Variants in CEP192 observed in about 807,000 individuals in gnomAD.
CEP192 encodes centrosomal protein of 192 kDa.
A neutral mutation model predicts 271.8 loss-of-function variants in CEP192; 151 were observed. The observed-to-expected ratio is 0.56, with a 90% CI of 0.49 to 0.64. The LOEUF is 0.64. CEP192 is among the 30% of genes least tolerant of loss of function. CEP192 has a pLI of 0.00. For synonymous variants in CEP192, 995 were observed against 1,076.5 expected (o/e 0.92, Z 1.48); for missense variants, 2,910 against 3,020.5 (o/e 0.96, Z 0.86).
intron 11 of CEP192, among the ~76,000 whole-genome samples, chr18:13,031,237 A>C (rs992419485): frequency 3.2e-5 from 4 of 123,168 alleles, no homozygotes; most frequent in Non-Finnish European, 6.7e-5. Context: ...GCCTGGCCTT[A>C]TTGTTGTTTT....
At chr18:13,044,398 C>T (rs969510648) in intron 15 of CEP192, among the ~76,000 whole-genome samples, 24 of 151,616 alleles carry the variant, frequency 1.6e-4, no homozygotes, top group African/African-American at 5.8e-4. Flanking sequence ...TTTCATCTTT[C>T]AATTTGATGC....
Position 13,013,045 on chromosome 18 carries a change from G to T in CEP192, c.519+20G>T. On this transcript the variant is annotated intron_variant, in intron 5 of 44. Transcript: ENST00000506447. ...CCCAAGGTAACCTTTTATATATTTG[G>T]TATCATTTTCTGGAGTACTATAGGG... is the stretch of plus-strand genomic sequence containing the variant. 1 of 1,314,362 alleles carries T rather than the reference G, an allele frequency of 7.6e-7. No homozygotes were observed. Among genetic ancestry groups the T allele is most frequent in the Non-Finnish European group, 1.1e-6 (1 of 938,120 alleles). 81.4% of individuals were successfully genotyped at this position (1,314,362 alleles called of 1,614,324 possible). A position where few individuals can be genotyped will look rare whatever the true frequency, so the allele number is the denominator to read the frequency against.
At chr18:13,118,102 T>C (rs1294348962) in intron 44 of CEP192, among the ~76,000 whole-genome samples, 2 of 152,216 alleles carry the variant, frequency 1.3e-5, no homozygotes, top group African/African-American at 4.8e-5. Context: ...CTCCTTACTG[T>C]TCTTAATCAG....
intron 9 of CEP192, among the ~76,000 whole-genome samples, chr18:13,019,893 A>G (rs532221657): frequency 6.6e-6 from 1 of 151,976 alleles, no homozygotes; most frequent in Admixed American, 6.6e-5. Flanking sequence ...GCTCACTGCA[A>G]CTTCTGCCTC....
intron 17 of CEP192, among the ~76,000 whole-genome samples, chr18:13,050,832 G>A (rs559410904): frequency 1.2e-4 from 18 of 152,198 alleles, no homozygotes; most frequent in African/African-American, 3.9e-4. Context: ...CACCTGCCTC[G>A]GCCTCCCAAC....
chr18:13,062,112 C>T (rs1261414773), intron 21 of CEP192, among the ~76,000 whole-genome samples: 2 of 152,180 alleles, frequency 1.3e-5, no homozygotes, highest in Admixed American at 1.3e-4. Context: ...TTGGAATCAC[C>T]TGATGAACTT....
At chr18:13,097,682 T>A (rs2039471119) in intron 36 of CEP192, among the ~76,000 whole-genome samples, 1 of 148,874 alleles carries the variant, frequency 6.7e-6, no homozygotes, top group Non-Finnish European at 1.5e-5. Flanking sequence ...TTCTTGGGTG[T>A]TTCTCGCAGA....
intron 5 of CEP192, among the ~76,000 whole-genome samples, chr18:13,014,817 A>G (rs1027172793): frequency 1.3e-5 from 2 of 152,214 alleles, no homozygotes; most frequent in Non-Finnish European, 2.9e-5. Flanking sequence ...TATATGAAAT[A>G]TAATCACACT....
At chr18:13,010,949 G>C (rs1016562766) in intron 4 of CEP192, among the ~76,000 whole-genome samples, 5 of 152,072 alleles carry the variant, frequency 3.3e-5, no homozygotes, top group Non-Finnish European at 5.9e-5. Context: ...CAATGAGGCT[G>C]GGCACAATGG....
intron 40 of CEP192, among the ~76,000 whole-genome samples, chr18:13,106,968 A>C (rs1203474378): frequency 2.0e-5 from 3 of 152,238 alleles, no homozygotes; most frequent in Non-Finnish European, 2.9e-5. Context: ...TGTCACTGAG[A>C]AAAATACACC....
At chr18:13,058,433 C>A (rs185632528) in intron 20 of CEP192, 1 of 152,518 alleles carries the variant, frequency 6.6e-6, no homozygotes, top group Non-Finnish European at 1.5e-5. Context: ...CATCGTCTGC[C>A]TGGTAAAATA....
chr18:13,116,842 C>G (rs963516267), intron 43 of CEP192, among the ~76,000 whole-genome samples: 8 of 152,284 alleles, frequency 5.3e-5, no homozygotes, highest in Admixed American at 3.9e-4. Flanking sequence ...ATTTCCTGAC[C>G]TCATGATCTG....
At chr18:13,120,176 G>T (rs960434579) in intron 44 of CEP192, among the ~76,000 whole-genome samples, 1 of 152,198 alleles carries the variant, frequency 6.6e-6, no homozygotes, top group Non-Finnish European at 1.5e-5. Flanking sequence ...TAGTGCTACA[G>T]ATGGCAGAGT....
chr18:13,032,485 G>A (rs528896611), intron 11 of CEP192, among the ~76,000 whole-genome samples: 14 of 152,236 alleles, frequency 9.2e-5, no homozygotes, highest in Non-Finnish European at 1.5e-4. Context: ...GATGCAGACC[G>A]AATGGTGGAT....
intron 34 of CEP192, among the ~76,000 whole-genome samples, chr18:13,094,986 G>C (rs1192991350): frequency 6.6e-6 from 1 of 152,152 alleles, no homozygotes; most frequent in Non-Finnish European, 1.5e-5. Context: ...GACTGGCTGA[G>C]TGTTCCCTGC....
chr18:13,057,023 G>A (rs773354643), intron 19 of CEP192, among the ~76,000 whole-genome samples: 1 of 152,160 alleles, frequency 6.6e-6, no homozygotes, highest in South Asian at 2.1e-4. Context: ...CCTCCACCTT[G>A]TGAGTCTCTG....
chr18:13,096,085 C>G, intron 35 of CEP192, 99 bp from the exon 36 acceptor site: 1 of 1,226,804 alleles, frequency 8.2e-7, no homozygotes, highest in African/African-American at 1.5e-5. Flanking sequence ...CAGTAGCATA[C>G]TTGTATATCT....
intron 2 of CEP192, chr18:13,000,279 C>G (rs2033560489): frequency 6.6e-6 from 1 of 151,878 alleles, no homozygotes; most frequent in Admixed American, 6.6e-5. Flanking sequence ...TTTTAATACA[C>G]TGGTTTTATT....
intron 4 of CEP192, among the ~76,000 whole-genome samples, chr18:13,011,299 A>G (rs1264728963): frequency 6.6e-6 from 1 of 152,018 alleles, no homozygotes; most frequent in Non-Finnish European, 1.5e-5. Context: ...GGATAACTAT[A>G]ATAATAAAAA....
Sources: allele counts gnomAD v4.1 joint callset (sites outside exome capture counted in the v4.1 genomes callset), GRCh38; gene constraint gnomAD v4.1.1; transcripts MANE v1.5; gene names NCBI Gene and HGNC (gene_info 2026-07-23, HGNC 2026-07-21).